ZMAT3: variants seen among roughly 807,000 people sequenced by gnomAD.
ZMAT3 encodes the protein zinc finger matrin-type protein 3.
Under a neutral mutation model 32.3 loss-of-function variants are expected in ZMAT3, and 17 were observed. The observed-to-expected ratio is 0.53, with a 90% CI of 0.36 to 0.79. ZMAT3 has a LOEUF of 0.79. Among genes scored for constraint, ZMAT3 ranks in the 30% least tolerant of loss-of-function variants. The pLI, the probability that ZMAT3 is intolerant of heterozygous loss-of-function variation, is 0.00. For missense variants in ZMAT3, 329 were observed against 359.7 expected (o/e 0.91, Z 0.69); for synonymous variants, 120 against 133.1 (o/e 0.90, Z 0.68).
At chr3:179,055,785 T>G (rs1025841760) in intron 2 of ZMAT3, among the ~76,000 whole-genome samples, 1 of 152,138 alleles carries the variant, frequency 6.6e-6, no homozygotes, top group Non-Finnish European at 1.5e-5. Flanking sequence ...TACTACTAAA[T>G]CAGACACTAA....
intron 2 of ZMAT3, among the ~76,000 whole-genome samples, chr3:179,033,469 A>G (rs1576844305): frequency 6.6e-6 from 1 of 152,154 alleles, no homozygotes; most frequent in East Asian, 1.9e-4. Context: ...CCTCTCCGAG[A>G]AACACCCAAG....
At chr3:179,060,842 A>T (rs1375046072) in intron 2 of ZMAT3, among the ~76,000 whole-genome samples, 2 of 152,102 alleles carry the variant, frequency 1.3e-5, no homozygotes, top group Non-Finnish European at 2.9e-5. Flanking sequence ...GAAAGACACA[A>T]AATTAAAACA....
chr3:179,061,606 C>T (rs1721155061), intron 2 of ZMAT3, among the ~76,000 whole-genome samples: 1 of 151,210 alleles, frequency 6.6e-6, no homozygotes, highest in Non-Finnish European at 1.5e-5. Context: ...GTACCAGAAA[C>T]TCAAGGAAAA....
chr3:179,062,583 A>T (rs1466232408), intron 2 of ZMAT3, among the ~76,000 whole-genome samples: 1 of 152,248 alleles, frequency 6.6e-6, no homozygotes, highest in Admixed American at 6.5e-5. Flanking sequence ...AAGTGATCAA[A>T]GCAAGAGCTA....
intron 2 of ZMAT3, among the ~76,000 whole-genome samples, chr3:179,047,060 C>T (rs1285425738): frequency 6.6e-6 from 1 of 152,170 alleles, no homozygotes; most frequent in African/African-American, 2.4e-5. Context: ...ACAAAACCAG[C>T]ACACTTAACA....
chr3:179,056,303 G>A (rs770278120), intron 2 of ZMAT3, among the ~76,000 whole-genome samples: 31 of 151,438 alleles, frequency 2.0e-4, no homozygotes, highest in Middle Eastern at 3.4e-3. Context: ...AGGAGCAGGC[G>A]AAACGGGACA....
Position 179,023,710 on chromosome 3 carries a change from A to ATATTTTT in ZMAT3, c.*1306_*1307insAAAAATA, listed in dbSNP as rs1553798348. On this transcript the variant is annotated 3_prime_UTR_variant, in exon 6 of 6. Coordinates refer to ENST00000311417, the MANE Select transcript of ZMAT3 (RefSeq NM_022470.4). ...GGAAAATATATCTATATATATATAT[A>ATATTTTT]TTTTTTTTTTTTTTTTTTTTTTTTT... is the stretch of plus-strand genomic sequence containing the variant. 4 of 25,058 alleles carry ATATTTTT rather than the reference A, an allele frequency of 1.6e-4. No homozygotes were observed. Among genetic ancestry groups the ATATTTTT allele is most frequent in the African/African-American group, 8.1e-4 (3 of 3,682 alleles). 1.6% of individuals were successfully genotyped at this position (25,058 alleles called of 1,614,324 possible).
intron 2 of ZMAT3, among the ~76,000 whole-genome samples, chr3:179,055,305 A>T (rs1484105646): frequency 6.6e-6 from 1 of 152,218 alleles, no homozygotes; most frequent in Non-Finnish European, 1.5e-5. Flanking sequence ...AGGGAAGTAT[A>T]AATTATAACA....
At chr3:179,026,479 C>T (rs1576835188) in intron 5 of ZMAT3, among the ~76,000 whole-genome samples, 3 of 150,702 alleles carry the variant, frequency 2.0e-5, no homozygotes, top group African/African-American at 7.3e-5. Context: ...CTCCACCTCC[C>T]AGGTTCAAGC....
chr3:179,066,678 A>G (rs1576881432), intron 2 of ZMAT3, among the ~76,000 whole-genome samples: 1 of 152,342 alleles, frequency 6.6e-6, no homozygotes, highest in African/African-American at 2.4e-5. Flanking sequence ...CTTTTCTCCA[A>G]AAAAGGAAAT....
At chr3:179,038,819 T>C (rs1471731181) in intron 2 of ZMAT3, among the ~76,000 whole-genome samples, 2 of 152,194 alleles carry the variant, frequency 1.3e-5, no homozygotes, top group Non-Finnish European at 1.5e-5. Context: ...AGAGAAGCCG[T>C]GACGGACTGC....
At chr3:179,041,338 T>C (rs909812910) in intron 2 of ZMAT3, among the ~76,000 whole-genome samples, 2 of 152,110 alleles carry the variant, frequency 1.3e-5, no homozygotes, top group African/African-American at 4.8e-5. Flanking sequence ...GGAAGTAAAG[T>C]ATTCCTCAGC....
chr3:179,045,983 TGAAGTGGTTTAACTAGG>T (rs1720213076), intron 2 of ZMAT3, among the ~76,000 whole-genome samples: 1 of 152,194 alleles, frequency 6.6e-6, no homozygotes, highest in Non-Finnish European at 1.5e-5. Flanking sequence ...AAAGGTCATG[TGAAGTGGTTTAACTAGG>T]AAAACACCCA....
At chr3:179,038,823 G>A (rs541647476) in intron 2 of ZMAT3, among the ~76,000 whole-genome samples, 21 of 152,298 alleles carry the variant, frequency 1.4e-4, no homozygotes, top group Admixed American at 9.8e-4. Context: ...AAGCCGTGAC[G>A]GACTGCACCT....
Position 179,020,669 on chromosome 3 carries a change from G to A in ZMAT3, c.*4348C>T, listed in dbSNP as rs1397349673. The A allele has an allele frequency of 6.6e-6, 1 of 152,166 alleles. No individual in the cohort carries two copies. The highest frequency in any genetic ancestry group is 2.4e-5 in the African/African-American group (1 of 41,448). The allele number at this position is 152,166 out of a possible 1,614,324, so 9.4% of individuals were successfully genotyped here. On this transcript the variant is annotated 3_prime_UTR_variant, in exon 6 of 6. Coordinates refer to ENST00000311417, the MANE Select transcript of ZMAT3 (RefSeq NM_022470.4). ...TCTTTAAAGGGCATTTCCAACCTTA[G>A]TTCTGACAATGAAGACACAAAGTAG... is the stretch of plus-strand genomic sequence containing the variant.
Position 179,032,201 on chromosome 3 carries a change from G to A in ZMAT3, c.271-1202C>T, listed in dbSNP as rs540359352. On this transcript the variant is annotated intron_variant, in intron 2 of 5. Coordinates refer to ENST00000311417, the MANE Select transcript of ZMAT3 (RefSeq NM_022470.4). Reference sequence around the variant, plus strand: ...TATTTTCTGGTGGAGACGGGGTTTCGCCGTGTTGGCCGGGCTGGTCTCCAG... The same window carrying A: ...TATTTTCTGGTGGAGACGGGGTTTCACCGTGTTGGCCGGGCTGGTCTCCAG... 3.6e-3 allele frequency among the ~76,000 whole-genome samples: 544 copies of A among 151,686 alleles called. 3 individuals are homozygous for A. Among genetic ancestry groups the A allele is most frequent in the African/African-American group, 0.012 (503 of 41,366 alleles).
At chr3:179,052,806 C>T (rs1231805611) in intron 2 of ZMAT3, among the ~76,000 whole-genome samples, 2 of 152,218 alleles carry the variant, frequency 1.3e-5, no homozygotes, top group East Asian at 3.9e-4. Context: ...TACTACTCAG[C>T]CATAAAAAGG....
intron 5 of ZMAT3, among the ~76,000 whole-genome samples, chr3:179,026,092 T>G (rs760908088): frequency 1.3e-5 from 2 of 152,214 alleles, no homozygotes; most frequent in African/African-American, 2.4e-5. Flanking sequence ...AGTATAATTG[T>G]TTCTTTGAAC....
At chr3:179,026,664 G>A (rs917729789) in intron 5 of ZMAT3, among the ~76,000 whole-genome samples, 10 of 152,236 alleles carry the variant, frequency 6.6e-5, no homozygotes, top group Non-Finnish European at 1.2e-4. Context: ...GGGATTACAC[G>A]CACGAGCCAC....
Sources: gnomAD v4.1 joint callset for allele counts (sites outside exome capture counted in the v4.1 genomes callset) on GRCh38, gnomAD v4.1.1 for gene constraint, MANE v1.5 for transcripts, NCBI Gene and HGNC (gene_info 2026-07-23, HGNC 2026-07-21) for gene names.